The following RALGDS variants were observed in gnomAD, a reference collection of about 807,000 sequenced individuals.
RALGDS encodes ral guanine nucleotide dissociation stimulator, also known as ral guanine nucleotide exchange factor.
A neutral mutation model predicts 99.8 loss-of-function variants in RALGDS; 44 were observed. The ratio of observed to expected loss-of-function variants is 0.44; its 90% CI spans 0.35 to 0.57. The LOEUF is 0.57. Ranked by LOEUF, RALGDS falls within the 20% of genes least tolerant of loss-of-function variation. RALGDS has a pLI of 0.01. For synonymous variants in RALGDS, 529 were observed against 505.0 expected (o/e 1.05, Z -0.64); for missense variants, 1,022 against 1,203.1 (o/e 0.85, Z 2.23).
Position 133,097,909 on chromosome 9 carries a change from G to A in RALGDS, c.*678C>T, listed in dbSNP as rs984521499. 5.4e-5 allele frequency: 12 copies of A among 224,112 alleles called. No individual in the cohort carries two copies. In the East Asian group the frequency reaches 6.2e-4, roughly 12 times the overall value. The allele number at this position is 224,112 out of a possible 1,614,324, so 13.9% of individuals were successfully genotyped here. A position where few individuals can be genotyped will look rare whatever the true frequency, so the allele number is the denominator to read the frequency against. Reference sequence around the variant, plus strand: ...ACTAACCCCCGTCTTGCATGGTCTCGTAAAGCCCAGGACGCAGTGGTGAAT... The same window carrying A: ...ACTAACCCCCGTCTTGCATGGTCTCATAAAGCCCAGGACGCAGTGGTGAAT... On this transcript the variant is annotated 3_prime_UTR_variant, in exon 18 of 18. Coordinates refer to ENST00000372050, the MANE Select transcript of RALGDS (RefSeq NM_006266.4).
chr9:133,148,916 G>A, intron 1 of RALGDS: 1 of 1,592,612 alleles, frequency 6.3e-7, no homozygotes, highest in Non-Finnish European at 8.5e-7. Flanking sequence ...GGGGCATACG[G>A]TCCTCCCTCC....
In RALGDS at chr9:133,101,924, GGGCA is replaced by G; in HGVS notation, c.2211+10_2211+13del. On this transcript the variant is annotated intron_variant, in intron 15 of 17. Transcript: ENST00000372050. ...AGATGGGAAAGGATATTGGGGAGAA[GGGCA>G]GGCAGTCACCTTCTTTTCCTGGCCA... is the stretch of plus-strand genomic sequence containing the variant. 6.4e-7 allele frequency: 1 copy of G among 1,551,036 alleles called. No individual in the cohort carries two copies.
chr9:133,108,129 C>T lies in RALGDS; in HGVS notation c.1056G>A (p.Glu352=), dbSNP rs755715000. The part of the protein sequence containing the change: ...DPAPSQTLEL[E]PAPAPVPSLQ... ...ATGATGGAACTGGTGCTGGAGCTGGCTCCAGCTCTAGAGTTTGTGAGGGAG... is the reference window on the plus strand; with the variant it reads ...ATGATGGAACTGGTGCTGGAGCTGGTTCCAGCTCTAGAGTTTGTGAGGGAG... Residue 352 remains glutamate (E), a synonymous_variant, in exon 6 of 18, where the codon GAG becomes GAA. Coordinates refer to ENST00000372050, the MANE Select transcript of RALGDS (RefSeq NM_006266.4). 2.4e-5 allele frequency: 39 copies of T among 1,610,668 alleles called. No individual in the cohort carries two copies. Among genetic ancestry groups the T allele is most frequent in the South Asian group, 6.6e-5 (6 of 90,952 alleles).
chr9:133,104,955 A>T (rs1304436466), intron 9 of RALGDS, among the ~76,000 whole-genome samples: 1 of 152,140 alleles, frequency 6.6e-6, no homozygotes, highest in Non-Finnish European at 1.5e-5. Flanking sequence ...TTTCTAGATG[A>T]GGAAACTATG....
rs1207377926 is a variant in RALGDS at position 133,103,740 on chromosome 9, C to T, written c.1758+7G>A. The T allele has an allele frequency of 6.2e-7, 1 of 1,613,146 alleles. No individual in the cohort carries two copies. Among genetic ancestry groups the T allele is most frequent in the East Asian group, 2.2e-5 (1 of 44,864 alleles). On this transcript the variant is annotated splice_region_variant and intron_variant, in intron 11 of 17. Transcript: ENST00000372050. ...GGCCCTACTCCAGCCCCGCCCGGCA[C>T]ACTCACATACAGATAGTCCTTCATG...
In RALGDS at chr9:133,105,170, C is replaced by T. The variant is rs900754882; in HGVS notation, c.1602+762G>A. On this transcript the variant is annotated intron_variant, in intron 9 of 17. Transcript: ENST00000372050. Reference sequence around the variant, plus strand: ...GGACAGGTGTCCCAGGAGCCCCCTGCGATGCTCCCCTGTAGGGAACTCTGT... The same window carrying T: ...GGACAGGTGTCCCAGGAGCCCCCTGTGATGCTCCCCTGTAGGGAACTCTGT... Among the ~76,000 whole-genome samples, 23 of 152,288 alleles carry T rather than the reference C, an allele frequency of 1.5e-4. No individual in the cohort carries two copies. In the South Asian group the frequency reaches 1.7e-3, roughly 11 times the overall value.
upstream of RALGDS, among the ~76,000 whole-genome samples, chr9:133,133,052 G>A (rs74479533): frequency 5.4e-3 from 823 of 152,260 alleles, 8 homozygotes; most frequent in African/African-American, 0.019. Flanking sequence ...AGCAGCTCCC[G>A]GGTACCAGGC....
intron 1 of RALGDS, among the ~76,000 whole-genome samples, chr9:133,145,522 G>A (rs1832609523): frequency 6.6e-6 from 1 of 152,172 alleles, no homozygotes; most frequent in Non-Finnish European, 1.5e-5. Context: ...AAAATCAAGT[G>A]GCAGCAGTGC....
At chr9:133,101,039 C>G (rs1830730876) in intron 16 of RALGDS, 1 of 1,069,068 alleles carries the variant, frequency 9.4e-7, no homozygotes, top group African/African-American at 1.7e-5. Flanking sequence ...ATTCTGTGAG[C>G]AATTCCCATC....
At chr9:133,135,534 C>A (rs1411625925), upstream of RALGDS, among the ~76,000 whole-genome samples, 2 of 152,240 alleles carry the variant, frequency 1.3e-5, no homozygotes, top group Admixed American at 1.3e-4. Context: ...CAGCTCCCCT[C>A]CCCAACCCTG....
Position 133,107,151 on chromosome 9 carries a change from G to C in RALGDS, c.1347C>G (p.Leu449=), listed in dbSNP as rs771593716. ...CTGGGGCTTTCGTGCTTCGGTTCCC[G>C]AGGCAGGTGGTGATGACACAGTTGG... ...SVANCVITTC[L]GNRSTKAPDR... is the part of the protein sequence containing the mutation. Residue 449 remains leucine (L), a synonymous_variant, in exon 7 of 18, where the codon CTC becomes CTG. Coordinates refer to ENST00000372050, the MANE Select transcript of RALGDS (RefSeq NM_006266.4). The C allele has an allele frequency of 6.2e-7, 1 of 1,613,788 alleles. No homozygotes were observed. Among genetic ancestry groups the C allele is most frequent in the Non-Finnish European group, 8.5e-7 (1 of 1,180,048 alleles).
chr9:133,107,061 G>A, intron 7 of RALGDS, 24 bp downstream of exon 7: 5 of 1,611,716 alleles, frequency 3.1e-6, no homozygotes, highest in South Asian at 2.2e-5. Context: ...CAAAGTGGGG[G>A]CCCAGGCCCC....
chr9:133,129,425 G>A, intron 1 of RALGDS: 1 of 1,411,500 alleles, frequency 7.1e-7, no homozygotes, highest in Non-Finnish European at 9.2e-7. Flanking sequence ...GCCTGGGCCT[G>A]GTGTCACCCG....
rs115851763 is a variant in RALGDS, at chr9:133,148,564, G to A, written c.18+399C>T. On this transcript the variant is annotated intron_variant, in intron 1 of 17. Coordinates refer to the RALGDS transcript ENST00000393160. ...AAGTGTGTGGTGTGTGTGTCTGCGT[G>A]TGTGTGAGCATGTATGCGCAGGCCT... is the stretch of plus-strand genomic sequence containing the variant. 9.6e-3 allele frequency among the ~76,000 whole-genome samples: 1,457 copies of A among 152,358 alleles called. 20 individuals carry two copies. Among genetic ancestry groups the A allele is most frequent in the African/African-American group, 0.034 (1,409 of 41,584 alleles).
At chr9:133,146,407 G>C (rs1832623840) in intron 1 of RALGDS, among the ~76,000 whole-genome samples, 1 of 152,148 alleles carries the variant, frequency 6.6e-6, no homozygotes, top group Non-Finnish European at 1.5e-5. Context: ...GGCCAGGCTG[G>C]TGTTGAACTC....
intron 17 of RALGDS, 117 bp downstream of exon 17, chr9:133,100,151 A>G (rs994884289): frequency 3.1e-6 from 3 of 958,904 alleles, no homozygotes; most frequent in Non-Finnish European, 5.1e-6. Context: ...TGCCCTGTCC[A>G]CAGTGTCTAC....
chr9:133,106,663 GTCT>G lies in RALGDS; in HGVS notation c.1496_1498del (p.Lys499del), dbSNP rs756067459. On this transcript the variant is annotated inframe_deletion, in exon 8 of 18. Coordinates refer to ENST00000372050, the MANE Select transcript of RALGDS (RefSeq NM_006266.4). ...TGCCCACCTGGAAACGTCTTCCCAC[GTCT>G]TCTTCAGACGGTGGATGGAGTTGCT... 15 of 1,610,322 alleles carry G rather than the reference GTCT, an allele frequency of 9.3e-6. No homozygotes were observed. The highest frequency in any genetic ancestry group is 1.3e-5 in the Non-Finnish European group (15 of 1,178,146).
intron 1 of RALGDS, among the ~76,000 whole-genome samples, chr9:133,120,428 A>ACCCCCCCCCCCCCCCCCCC (rs71378548): frequency 2.0e-4 from 12 of 59,992 alleles, no homozygotes; most frequent in Non-Finnish European, 2.0e-4. Context: ...CCATCCCCCG[A>ACCCCCCCCCCCCCCCCCCC]CCCCCCCCCC....
upstream of RALGDS, among the ~76,000 whole-genome samples, chr9:133,133,545 G>C (rs559231862): frequency 6.6e-6 from 1 of 152,242 alleles, no homozygotes; most frequent in South Asian, 2.1e-4. Context: ...GGACAGCCGA[G>C]GCGCTGGGGC....
Sources: allele counts gnomAD v4.1 joint callset (sites outside exome capture counted in the v4.1 genomes callset), GRCh38; gene constraint gnomAD v4.1.1; transcripts MANE v1.5; gene names NCBI Gene and HGNC (gene_info 2026-07-23, HGNC 2026-07-21).